VPS8: variants seen among roughly 807,000 people sequenced by gnomAD.
VPS8 encodes VPS8 subunit of CORVET complex, also known as vacuolar protein sorting-associated protein 8 homolog.
A neutral mutation model predicts 216.4 loss-of-function variants in VPS8; 129 were observed. That is an observed-to-expected ratio of 0.60 (90% confidence interval 0.52 to 0.69). The LOEUF (loss-of-function observed/expected upper bound fraction) is 0.69. Ranked by LOEUF, VPS8 falls within the 30% of genes least tolerant of loss-of-function variation. The pLI is 0.00. For synonymous variants in VPS8, 571 were observed against 565.4 expected (o/e 1.01, Z -0.14); for missense variants, 1,531 against 1,683.5 (o/e 0.91, Z 1.59).
chr3:184,835,401 G>T (rs1720840374), intron 5 of VPS8, among the ~76,000 whole-genome samples: 1 of 152,098 alleles, frequency 6.6e-6, no homozygotes, highest in Admixed American at 6.5e-5. Context: ...AAAATGGCTG[G>T]AACAGAGTAT....
intron 22 of VPS8, among the ~76,000 whole-genome samples, chr3:184,892,542 C>T (rs1330570248): frequency 6.6e-6 from 1 of 152,134 alleles, no homozygotes; most frequent in Non-Finnish European, 1.5e-5. Context: ...TTTCTATCTC[C>T]CCTCTTTCCT....
intron 36 of VPS8, 43 bp downstream of exon 36, chr3:184,940,286 A>ATATATATG (rs2109321518): frequency 1.2e-6 from 1 of 803,586 alleles, no homozygotes; most frequent in South Asian, 4.0e-5. Context: ...ATATATATAT[A>ATATATATG]TATGAGAAAT....
rs1420261830 is a variant in VPS8 at position 184,999,867 on chromosome 3, A to C, written c.4002+6A>C. On this transcript the variant is annotated splice_donor_region_variant and intron_variant, in intron 45 of 47. Transcript: ENST00000625842. ...GAAGGATAACCCCATCACAGGTAAG[A>C]CTTGTTTTCGTGGCAAAATGGAAAT... is the stretch of plus-strand genomic sequence containing the variant. The C allele has an allele frequency of 6.3e-7, 1 of 1,598,690 alleles. No homozygotes were observed. Among genetic ancestry groups the C allele is most frequent in the East Asian group, 2.2e-5 (1 of 44,756 alleles).
intron 36 of VPS8, among the ~76,000 whole-genome samples, chr3:184,947,059 A>G (rs550796842): frequency 2.7e-4 from 41 of 152,300 alleles, no homozygotes; most frequent in African/African-American, 9.6e-4. Flanking sequence ...AAGACAGGAA[A>G]GAGCAGTTCC....
chr3:184,971,272 G>A (rs1748356333), intron 39 of VPS8, among the ~76,000 whole-genome samples: 3 of 152,146 alleles, frequency 2.0e-5, no homozygotes, highest in South Asian at 2.1e-4. Flanking sequence ...ACCTAAAATA[G>A]CATCTTGGGG....
rs201387135 is a variant in VPS8 at position 184,894,756 on chromosome 3, A to G, written c.1835A>G (p.Lys612Arg). The change falls in exon 23 of 48, where the codon AAA becomes AGA. Residue 612 changes from lysine to arginine, a missense_variant. By Grantham distance (26) the Lys-to-Arg change is conservative. This residue lies in a region of VPS8 where 1,318 missense variants were observed against 1,468.4 expected (regional missense o/e 0.90). Coordinates refer to ENST00000625842, the MANE Select transcript of VPS8 (RefSeq NM_001009921.3). The part of the protein sequence containing the change: ...YDKLSENSVA[K>R]GVFLECLEPY... ...AAATTAAGTGAGAATTCAGTGGCCA[A>G]AGGAGTATTTTTGGAGTGCCTTGAG... The G allele has an allele frequency of 1.2e-5, 19 of 1,609,518 alleles. No individual in the cohort carries two copies. In the Middle Eastern group the frequency reaches 6.6e-4, roughly 56 times the overall value.
intron 36 of VPS8, among the ~76,000 whole-genome samples, chr3:184,947,156 A>G (rs62289463): frequency 0.094 from 14,262 of 152,270 alleles, 723 homozygotes; most frequent in South Asian, 0.13. Context: ...TCTCTGGGCC[A>G]ATAAGCAAGT....
In VPS8 at chr3:184,939,331, A is replaced by G. The variant is rs552066284; in HGVS notation, c.2989-866A>G. Among the ~76,000 whole-genome samples, 176 of 152,102 alleles carry G rather than the reference A, an allele frequency of 1.2e-3. 2 individuals are homozygous for G. Among genetic ancestry groups the G allele is most frequent in the African/African-American group, 4.1e-3 (169 of 41,544 alleles). On this transcript the variant is annotated intron_variant, in intron 35 of 47. Transcript: ENST00000625842. ...AAAAATAAATATATTTTTAAATCAT[A>G]TTTTATATTAATCTTTTTCATCTTT...
chr3:184,812,843 C>T (rs1226743799), intron 1 of VPS8: 2 of 152,288 alleles, frequency 1.3e-5, no homozygotes, highest in African/African-American at 4.8e-5. Context: ...CTTTAGCCTC[C>T]AGGGACTGAT....
intron 45 of VPS8, among the ~76,000 whole-genome samples, chr3:185,017,512 C>G (rs913711457): frequency 4.6e-5 from 7 of 152,178 alleles, no homozygotes; most frequent in Non-Finnish European, 7.3e-5. Context: ...ATACACTGTC[C>G]TGGCTCTGCT....
chr3:184,908,357 C>A (rs1430365475), intron 25 of VPS8, among the ~76,000 whole-genome samples: 3 of 152,204 alleles, frequency 2.0e-5, no homozygotes, highest in African/African-American at 7.2e-5. Context: ...TGCGCTCAGC[C>A]CCTTGTGGGA....
chr3:184,878,837 T>A (rs1729761973), intron 21 of VPS8, among the ~76,000 whole-genome samples: 1 of 152,192 alleles, frequency 6.6e-6, no homozygotes, highest in South Asian at 2.1e-4. Context: ...TGTATACCAA[T>A]CCTGGGGATA....
chr3:185,013,738 A>G (rs1442447269), intron 45 of VPS8, among the ~76,000 whole-genome samples: 1 of 152,190 alleles, frequency 6.6e-6, no homozygotes, highest in Admixed American at 6.5e-5. Context: ...GGTTCCAGAT[A>G]ATAGGAACTC....
chr3:184,885,953 TC>T (rs878960193), intron 21 of VPS8, 156 bp from the exon 22 acceptor site: 7 of 659,400 alleles, frequency 1.1e-5, no homozygotes, highest in South Asian at 7.3e-5. Flanking sequence ...GTTCTGTTTT[TC>T]AGACTTTGAC....
chr3:184,838,802 G>C (rs778765598), intron 6 of VPS8, 56 bp downstream of exon 6: 2 of 1,354,122 alleles, frequency 1.5e-6, no homozygotes, highest in Non-Finnish European at 2.0e-6. Flanking sequence ...GGTTTTCTTA[G>C]ATTTATCATT....
intron 5 of VPS8, among the ~76,000 whole-genome samples, chr3:184,837,173 T>G (rs373097327): frequency 6.6e-6 from 1 of 151,934 alleles, no homozygotes. Flanking sequence ...ACACCAGTAC[T>G]AAAATTCTGT....
In VPS8 at chr3:184,915,007, C is replaced by A. The variant is rs1250278821; in HGVS notation, c.2216C>A (p.Pro739His). 2 of 1,613,854 alleles carry A rather than the reference C, an allele frequency of 1.2e-6. No individual in the cohort carries two copies. Among genetic ancestry groups the A allele is most frequent in the Non-Finnish European group, 1.7e-6 (2 of 1,179,884 alleles). ...ISCCLAGRAY[P>H]LGDIPEDLVP... ...TGTTGTCTAGCAGGTCGTGCCTATCCCCTTGGTGACATCCCTGAAGATCTG... is the reference window on the plus strand; with the variant it reads ...TGTTGTCTAGCAGGTCGTGCCTATCACCTTGGTGACATCCCTGAAGATCTG... Residue 739 changes from proline to histidine, a missense_variant, in exon 27 of 48, where the codon CCC becomes CAC. Physicochemically the swap from Pro to His is moderately conservative, Grantham distance 77. This residue lies in a region of VPS8 where 1,318 missense variants were observed against 1,468.4 expected (regional missense o/e 0.90). Transcript: ENST00000625842.
At chr3:184,870,902 A>G (rs1361871857) in intron 21 of VPS8, 97 bp downstream of exon 21, 2 of 1,110,942 alleles carry the variant, frequency 1.8e-6, no homozygotes, top group Middle Eastern at 2.0e-4. Context: ...TTTTGGTTAA[A>G]CATTTTTTTA....
At chr3:184,958,707 A>G (rs1038243642) in intron 37 of VPS8, among the ~76,000 whole-genome samples, 1 of 152,208 alleles carries the variant, frequency 6.6e-6, no homozygotes, top group African/African-American at 2.4e-5. Flanking sequence ...TTCAAATACT[A>G]GTTTGGAGAG....
Sources: allele counts gnomAD v4.1 joint callset (sites outside exome capture counted in the v4.1 genomes callset), GRCh38; gene constraint gnomAD v4.1.1; regional missense constraint gnomAD v4.1.1; transcripts MANE v1.5; gene names NCBI Gene and HGNC (gene_info 2026-07-23, HGNC 2026-07-21).